The following AATK variants were observed in gnomAD, a reference collection of about 807,000 sequenced individuals.
AATK encodes the protein serine/threonine-protein kinase LMTK1.
Under a neutral mutation model 114.3 loss-of-function variants are expected in AATK, and 91 were observed. The ratio of observed to expected loss-of-function variants is 0.80; its 90% CI spans 0.67 to 0.95. The LOEUF (loss-of-function observed/expected upper bound fraction) is 0.95, where lower values mean the gene tolerates loss of function less well. Among genes scored for constraint, AATK ranks in the 40% least tolerant of loss-of-function variants. The pLI is 0.00. For missense variants in AATK, 2,176 were observed against 1,965.2 expected (o/e 1.11, Z -2.03); for synonymous variants, 1,075 against 916.5 (o/e 1.17, Z -3.12).
In AATK at chr17:81,126,502, G is replaced by A; in HGVS notation, c.680C>T (p.Pro227Leu). 1.3e-6 allele frequency: 2 copies of A among 1,551,534 alleles called. No individual in the cohort carries two copies. Among genetic ancestry groups the A allele is most frequent in the Non-Finnish European group, 1.7e-6 (2 of 1,147,526 alleles). The change falls in exon 7 of 14, where the codon CCC becomes CTC. Residue 227 changes from proline to leucine, a missense_variant. Around this residue, in one of 4 missense-constraint regions of AATK, gnomAD observed 273 missense variants for 344.1 expected, o/e 0.79. Transcript: ENST00000326724. This position sits in a 1 kb window ranked among gnomAD's most constrained non-coding sequence, Gnocchi z 5.1. ...ACAGGCCATGCGCTGCAGGGTCCGGGGGTCGGGAGCCATGGACTCCGCCAC... is the reference window on the plus strand; with the variant it reads ...ACAGGCCATGCGCTGCAGGGTCCGGAGGTCGGGAGCCATGGACTCCGCCAC... Reference protein sequence around the residue: ...CRVAESMAPDPRTLQRMACEV... With the variant: ...CRVAESMAPDLRTLQRMACEV...
chr17:81,135,134 G>A (rs1203601444), intron 1 of AATK, among the ~76,000 whole-genome samples: 1 of 152,198 alleles, frequency 6.6e-6, no homozygotes, highest in East Asian at 1.9e-4. Context: ...GAACCATGGG[G>A]AAACCCCGTT....
intron 1 of AATK, among the ~76,000 whole-genome samples, chr17:81,158,113 G>T (rs12449859): frequency 0.16 from 24,503 of 152,276 alleles, 2,904 homozygotes; most frequent in African/African-American, 0.33. Context: ...CCGGCCACGG[G>T]TATTTCTAGA....
chr17:81,119,619 T>C, intron 12 of AATK, 39 bp from the exon 13 acceptor site: 1 of 1,528,718 alleles, frequency 6.5e-7, no homozygotes, highest in Non-Finnish European at 8.8e-7. Context: ...GCTCACAGCC[T>C]GGGACCCCGG....
At chr17:81,128,047 C>G (rs1215901477) in intron 4 of AATK, 137 bp from the exon 5 acceptor site, 5 of 1,071,882 alleles carry the variant, frequency 4.7e-6, no homozygotes, top group Non-Finnish European at 5.3e-6. Context: ...CCACTCATTG[C>G]AGCGTGAGGT....
At position 81,121,209 on chromosome 17, in the gene AATK, C is replaced by T. The variant is rs74802646; in HGVS notation, c.2727G>A (p.Pro909=). The stretch of plus-strand genomic sequence containing the variant: ...CATAGCCACCATCACTGGCTGAGGA[C>T]GGGATGTCCAGGGAGTCCAGGGAGT... ...TPDSLDSLDI[P]SSASDGGYEV... Residue 909 remains proline, a synonymous_variant, in exon 11 of 14, where the codon CCG becomes CCA. Transcript: ENST00000326724. The T allele has an allele frequency of 1.0e-3, 1,680 of 1,604,770 alleles. 15 individuals carry two copies. In the African/African-American group the frequency reaches 0.018, roughly 17 times the overall value.
intron 1 of AATK, among the ~76,000 whole-genome samples, chr17:81,137,910 G>A (rs935275371): frequency 4.4e-5 from 4 of 91,002 alleles, no homozygotes; most frequent in East Asian, 4.6e-4. Context: ...ACATACACAC[G>A]GGCACACGTG....
intron 1 of AATK, among the ~76,000 whole-genome samples, chr17:81,138,187 G>A (rs1033842265): frequency 2.8e-5 from 4 of 140,604 alleles, no homozygotes; most frequent in Admixed American, 7.0e-5. Context: ...CCACACATGC[G>A]TGCACACACA....
chr17:81,130,865 C>T (rs949873589), intron 3 of AATK, among the ~76,000 whole-genome samples, 196 bp downstream of exon 3: 1 of 152,230 alleles, frequency 6.6e-6, no homozygotes, highest in African/African-American at 2.4e-5. Flanking sequence ...GTACATGCAC[C>T]TTTGGCCCCA....
At chr17:81,127,007 CCA>C (rs906436020) in intron 6 of AATK, among the ~76,000 whole-genome samples, 2 of 150,900 alleles carry the variant, frequency 1.3e-5, no homozygotes, top group Non-Finnish European at 3.0e-5. Context: ...TCCAGCCCAG[CCA>C]CAGACAGCCT....
intron 4 of AATK, 79 bp from the exon 5 acceptor site, chr17:81,127,989 G>A (rs374136311): frequency 6.6e-7 from 1 of 1,508,012 alleles, no homozygotes. Context: ...TCTCCCACCC[G>A]CCCCACGCCG....
intron 2 of AATK, 146 bp downstream of exon 2, chr17:81,134,222 G>C (rs557223699): frequency 9.4e-7 from 1 of 1,059,294 alleles, no homozygotes; most frequent in African/African-American, 1.6e-5. Flanking sequence ...CAGGGTCCAC[G>C]TGGTCCCCAG....
chr17:81,123,202 C>T lies in AATK; in HGVS notation c.1104G>A (p.Ser368=), dbSNP rs371742530. 9.1e-6 allele frequency: 13 copies of T among 1,424,698 alleles called. No individual in the cohort carries two copies. The highest frequency in any genetic ancestry group is 6.0e-5 in the East Asian group (2 of 33,394). 88.3% of individuals were successfully genotyped at this position (1,424,698 alleles called of 1,614,324 possible). A position where few individuals can be genotyped will look rare whatever the true frequency, so the allele number is the denominator to read the frequency against. Residue 368 remains serine, a synonymous_variant, in exon 10 of 14, where the codon TCG becomes TCA. Transcript: ENST00000326724. ...LPKPQLQLTL[S]DRWYEVMQFC... is the part of the protein sequence containing the mutation. ...GGCAGTGGGGCCCTCACCAGCGGTC[C>T]GACAGGGTCAGCTGCAGCTGGGGCT...
chr17:81,143,934 C>A (rs914310661), intron 1 of AATK, among the ~76,000 whole-genome samples: 1 of 152,240 alleles, frequency 6.6e-6, no homozygotes, highest in Non-Finnish European at 1.5e-5. Flanking sequence ...CCATTCCCCC[C>A]ACAACAGCAG....
At position 81,120,094 on chromosome 17, in the gene AATK, CAG is replaced by C. The variant is rs774913745; in HGVS notation, c.3736-13_3736-12del. 59 of 1,462,546 alleles carry C rather than the reference CAG, an allele frequency of 4.0e-5. No individual in the cohort carries two copies. The highest frequency in any genetic ancestry group is 4.7e-5 in the Non-Finnish European group (52 of 1,105,178). 90.6% of individuals were successfully genotyped at this position (1,462,546 alleles called of 1,614,324 possible). A position where few individuals can be genotyped will look rare whatever the true frequency, so the allele number is the denominator to read the frequency against. On this transcript the variant is annotated splice_polypyrimidine_tract_variant and intron_variant, in intron 11 of 13. Transcript: ENST00000326724. Reference sequence around the variant, plus strand: ...CCGGGTGGGGCTTTCCTGGAGGAATCAGAGAGCACCAGGTAGCTCGGCCGCCA... The same window carrying C: ...CCGGGTGGGGCTTTCCTGGAGGAATCAGAGCACCAGGTAGCTCGGCCGCCA...
In AATK at chr17:81,122,293, G is replaced by A. The variant is rs1402975722; in HGVS notation, c.1643C>T (p.Ala548Val). ...APAAGHDPDC[A>V]GCAPSPPATA... ...GGCAGGTGGACTGGGGGCGCAGCCG[G>A]CGCAGTCAGGGTCGTGGCCGGCGGC... is the stretch of plus-strand genomic sequence containing the variant. The change falls in exon 11 of 14, where the codon GCC (alanine) becomes GTC (valine). Residue 548 changes from alanine (A) to valine (V), a missense_variant. By Grantham distance (64) the Ala-to-Val change is moderately conservative (BLOSUM62 0). Coordinates refer to ENST00000326724, the MANE Select transcript of AATK (RefSeq NM_001080395.3). The A allele has an allele frequency of 2.0e-6, 3 of 1,506,382 alleles. No homozygotes were observed. Among genetic ancestry groups the A allele is most frequent in the Admixed American group, 4.4e-5 (2 of 45,186 alleles). 93.3% of individuals were successfully genotyped at this position (1,506,382 alleles called of 1,614,324 possible).
chr17:81,125,264 A>G lies in AATK; in HGVS notation c.756-250T>C, dbSNP rs764379234. ...GGAGGGACTGTGTGCGTGGGCCTCA[A>G]ATGTTACAGTGCAGAGGAGAATGGG... On this transcript the variant is annotated intron_variant, in intron 7 of 13. Coordinates refer to ENST00000326724, the MANE Select transcript of AATK (RefSeq NM_001080395.3). 6.5e-5 allele frequency: 48 copies of G among 742,860 alleles called. 2 individuals are homozygous for G. The highest frequency in any genetic ancestry group is 5.4e-4 in the South Asian group (38 of 70,536). 46.0% of individuals were successfully genotyped at this position (742,860 alleles called of 1,614,324 possible). A position where few individuals can be genotyped will look rare whatever the true frequency, so the allele number is the denominator to read the frequency against.
At chr17:81,129,717 A>G (rs1345168046) in intron 3 of AATK, among the ~76,000 whole-genome samples, 1 of 152,126 alleles carries the variant, frequency 6.6e-6, no homozygotes, top group Non-Finnish European at 1.5e-5. Flanking sequence ...GGCCAGGCAC[A>G]CACCTGCCCC....
At chr17:81,155,704 T>TA (rs1555601423) in intron 1 of AATK, among the ~76,000 whole-genome samples, 6 of 145,686 alleles carry the variant, frequency 4.1e-5, no homozygotes, top group East Asian at 2.0e-4. Context: ...CTTTTTTTTT[T>TA]TAATAAGGTC....
chr17:81,138,562 A>C (rs2061064690), intron 1 of AATK, among the ~76,000 whole-genome samples: 1 of 148,730 alleles, frequency 6.7e-6, no homozygotes, highest in African/African-American at 2.5e-5. Flanking sequence ...ACGTGCACAC[A>C]TACCCCCACA....
Sources: gnomAD v4.1 joint callset for allele counts (sites outside exome capture counted in the v4.1 genomes callset) on GRCh38, gnomAD v4.1.1 for gene constraint, gnomAD v4.1.1 regional missense constraint, Gnocchi (gnomAD v3.1) non-coding constraint, MANE v1.5 for transcripts, NCBI Gene and HGNC (gene_info 2026-07-23, HGNC 2026-07-21) for gene names.